XNDC1N: variants seen among roughly 807,000 people sequenced by gnomAD.
The protein encoded by XNDC1N is XRCC1 N-terminal domain containing 1, N-terminal like.
At chr11:71,923,555 G>C in the XNDC1N span, 4 of 398,790 alleles carry the variant, frequency 1.0e-5, no homozygotes, top group Non-Finnish European at 1.8e-5. Context: ...GTTCATTTCT[G>C]TTTTGTTTTT....
the XNDC1N span, among the ~76,000 whole-genome samples, chr11:71,871,696 G>A: frequency 1.3e-5 from 2 of 152,008 alleles, no homozygotes; most frequent in Admixed American, 6.5e-5. Flanking sequence ...AAGATAACAG[G>A]CAAAAGATTT....
At chr11:71,928,299 C>G in the XNDC1N span, 1 of 606,312 alleles carries the variant, frequency 1.6e-6, no homozygotes, top group Non-Finnish European at 2.9e-6. Flanking sequence ...AGTTCATTTC[C>G]TTGATGGCCA....
At chr11:71,898,023 A>C in the XNDC1N span, among the ~76,000 whole-genome samples, 23 of 152,232 alleles carry the variant, frequency 1.5e-4, no homozygotes, top group Admixed American at 5.2e-4. Flanking sequence ...TCTCTACTGA[A>C]AATGCAAAAA....
At chr11:71,868,572 G>A in the XNDC1N span, among the ~76,000 whole-genome samples, 1 of 152,048 alleles carries the variant, frequency 6.6e-6, no homozygotes, top group African/African-American at 2.4e-5. Context: ...TTCTTGGTTG[G>A]GATTTCTTGT....
chr11:71,923,504 C>A, the XNDC1N span: 1 of 620,620 alleles, frequency 1.6e-6, no homozygotes, highest in Non-Finnish European at 2.9e-6. Flanking sequence ...GAAAAACAAA[C>A]TAGCCATGGC....
the XNDC1N span, among the ~76,000 whole-genome samples, chr11:71,868,942 T>G: frequency 6.6e-6 from 1 of 152,178 alleles, no homozygotes; most frequent in Admixed American, 6.5e-5. Context: ...TCGCTTTACA[T>G]AATTCCATAT....
At chr11:71,877,887 G>C in the XNDC1N span, among the ~76,000 whole-genome samples, 2 of 152,094 alleles carry the variant, frequency 1.3e-5, no homozygotes, top group African/African-American at 4.8e-5. Context: ...ACATATAACT[G>C]ATGTGAAAAC....
At chr11:71,883,559 C>G in the XNDC1N span, among the ~76,000 whole-genome samples, 1 of 152,108 alleles carries the variant, frequency 6.6e-6, no homozygotes, top group African/African-American at 2.4e-5. Context: ...TAAAACTGGG[C>G]CTGTATCTTA....
chr11:71,908,401 AATT>A, the XNDC1N span, among the ~76,000 whole-genome samples: 1 of 151,950 alleles, frequency 6.6e-6, no homozygotes, highest in Non-Finnish European at 1.5e-5. Context: ...TGATTTTAAA[AATT>A]ATATTATGGG....
chr11:71,919,786 T>G, the XNDC1N span, among the ~76,000 whole-genome samples: 21 of 148,812 alleles, frequency 1.4e-4, no homozygotes, highest in Non-Finnish European at 7.4e-5. Flanking sequence ...CCCGGCTAAT[T>G]TTTTGTATTT....
the XNDC1N span, among the ~76,000 whole-genome samples, chr11:71,908,518 C>A: frequency 6.6e-6 from 1 of 152,080 alleles, no homozygotes; most frequent in African/African-American, 2.4e-5. Context: ...TCGTTTACAA[C>A]CCAAAACGGG....
chr11:71,891,450 T>C, the XNDC1N span, among the ~76,000 whole-genome samples: 1 of 151,942 alleles, frequency 6.6e-6, no homozygotes, highest in Non-Finnish European at 1.5e-5. Context: ...GCCTGCGATT[T>C]TGGGAGTAAT....
the XNDC1N span, chr11:71,923,322 G>C: frequency 1.4e-6 from 1 of 702,918 alleles, no homozygotes; most frequent in South Asian, 1.5e-5. Flanking sequence ...AGAAGAAAAT[G>C]ATACCACATG....
the XNDC1N span, among the ~76,000 whole-genome samples, chr11:71,898,776 C>G: frequency 7.0e-3 from 1,060 of 152,226 alleles, 7 homozygotes; most frequent in Non-Finnish European, 0.01. Context: ...TAAAACTGTT[C>G]TGGAGACGAT....
chr11:71,874,381 G>A, the XNDC1N span, among the ~76,000 whole-genome samples: 2 of 152,276 alleles, frequency 1.3e-5, no homozygotes, highest in East Asian at 3.9e-4. Context: ...GCTTGCTAAT[G>A]GGTTGTAATT....
At chr11:71,871,722 C>G in the XNDC1N span, among the ~76,000 whole-genome samples, 622 of 151,904 alleles carry the variant, frequency 4.1e-3, 3 homozygotes, top group African/African-American at 0.014. Flanking sequence ...CACATTTCAC[C>G]AAAGAAAATA....
At chr11:71,877,435 C>T in the XNDC1N span, among the ~76,000 whole-genome samples, 40 of 152,276 alleles carry the variant, frequency 2.6e-4, no homozygotes, top group East Asian at 2.1e-3. Context: ...GCCAGGAGTT[C>T]GAGACCAGCC....
At chr11:71,885,201 T>C in the XNDC1N span, among the ~76,000 whole-genome samples, 5 of 152,040 alleles carry the variant, frequency 3.3e-5, no homozygotes, top group Admixed American at 3.3e-4. Flanking sequence ...TTCTACTCCC[T>C]GGGATATCGC....
At chr11:71,899,425 TAA>T in the XNDC1N span, among the ~76,000 whole-genome samples, 1 of 152,072 alleles carries the variant, frequency 6.6e-6, no homozygotes, top group Non-Finnish European at 1.5e-5. Flanking sequence ...AGGAAAGACA[TAA>T]AAGACTCCAT....
Sources: allele counts gnomAD v4.1 joint callset (sites outside exome capture counted in the v4.1 genomes callset), GRCh38; gene constraint gnomAD v4.1.1; transcripts MANE v1.5; gene names NCBI Gene and HGNC (gene_info 2026-07-23, HGNC 2026-07-21).